The following CPLANE1 variants were observed in gnomAD, a reference collection of about 807,000 sequenced individuals.
The protein encoded by CPLANE1 is ciliogenesis and planar polarity effector complex subunit 1.
CPLANE1 carries 263 observed loss-of-function variants against 362.5 expected under a neutral mutation model. The ratio of observed to expected loss-of-function variants is 0.73; its 90% CI spans 0.66 to 0.80. The LOEUF (loss-of-function observed/expected upper bound fraction) is 0.80, where lower values mean the gene tolerates loss of function less well. Among genes scored for constraint, CPLANE1 ranks in the 30% least tolerant of loss-of-function variants. The pLI, the probability that CPLANE1 is intolerant of heterozygous loss-of-function variation, is 0.00. For missense variants in CPLANE1, 3,461 were observed against 3,793.4 expected (o/e 0.91, Z 2.30); for synonymous variants, 1,212 against 1,302.6 (o/e 0.93, Z 1.50).
At chr5:37,214,596 T>C (rs1018532171) in intron 15 of CPLANE1, among the ~76,000 whole-genome samples, 2 of 152,266 alleles carry the variant, frequency 1.3e-5, no homozygotes, top group African/African-American at 2.4e-5. Context: ...ATAAAATTCA[T>C]TGTAGTTCCT....
intron 28 of CPLANE1, among the ~76,000 whole-genome samples, chr5:37,179,785 G>C (rs1436086188): frequency 1.3e-5 from 2 of 152,000 alleles, no homozygotes; most frequent in Admixed American, 6.6e-5. Flanking sequence ...GCCCAATAAT[G>C]GTAAAAGAGC....
In CPLANE1 at chr5:37,157,348, G is replaced by A; in HGVS notation, c.8084C>T (p.Thr2695Ile). ...CTGTATGTCTGATGGTGTAGGTGAG[G>A]TGACACTAGGCTCCTTCACTTCTGT... is the stretch of plus-strand genomic sequence containing the variant. ...GITEVKEPSV[T>I]SPTPSDIQQN... Residue 2695 changes from threonine (T) to isoleucine (I), a missense_variant, in exon 41 of 53, where the codon ACC becomes ATC. Thr to Ile is a moderately conservative substitution (Grantham distance 89). This residue lies in a region of CPLANE1 where 3,380 missense variants were observed against 3,666.1 expected (regional missense o/e 0.92). Coordinates refer to ENST00000651892, the MANE Select transcript of CPLANE1 (RefSeq NM_001384732.1). The A allele has an allele frequency of 7.2e-7, 1 of 1,385,756 alleles. No homozygotes were observed. Among genetic ancestry groups the A allele is most frequent in the Non-Finnish European group, 9.6e-7 (1 of 1,044,328 alleles). 85.8% of individuals were successfully genotyped at this position (1,385,756 alleles called of 1,614,324 possible). A position where few individuals can be genotyped will look rare whatever the true frequency, so the allele number is the denominator to read the frequency against.
chr5:37,111,819 A>G (rs1759428503), intron 51 of CPLANE1, among the ~76,000 whole-genome samples: 2 of 152,240 alleles, frequency 1.3e-5, no homozygotes, highest in South Asian at 4.1e-4. Flanking sequence ...ATAAGGAACA[A>G]ATTTTGAAAA....
Position 37,162,543 on chromosome 5 carries a change from A to C in CPLANE1, c.7612T>G (p.Ser2538Ala), listed in dbSNP as rs769743728. The C allele has an allele frequency of 3.7e-6, 6 of 1,610,792 alleles. No individual in the cohort carries two copies. The highest frequency in any genetic ancestry group is 5.1e-6 in the Non-Finnish European group (6 of 1,177,466). Reference protein sequence around the residue: ...PFEMLQDDNTSAGLHFMASVK... With the variant: ...PFEMLQDDNTAAGLHFMASVK... ...GAGGCCATGAAATGCAATCCAGCTG[A>C]AGTATTATCATCTTGTAGCATTTCT... The change falls in exon 38 of 53, where the codon TCA becomes GCA. Residue 2538 changes from serine to alanine, a missense_variant. This residue lies in a region of CPLANE1 where 3,380 missense variants were observed against 3,666.1 expected (regional missense o/e 0.92). Transcript: ENST00000651892.
At chr5:37,123,298 A>G (rs891834621) in intron 47 of CPLANE1, among the ~76,000 whole-genome samples, 2 of 152,216 alleles carry the variant, frequency 1.3e-5, no homozygotes, top group African/African-American at 2.4e-5. Context: ...ACACACAATT[A>G]TGTATATAAA....
At position 37,226,793 on chromosome 5, in the gene CPLANE1, C is replaced by G. The variant is rs1402632313; in HGVS notation, c.1802G>C (p.Cys601Ser). ...KNLMLNYIVV[C>S]ITHFFYILQF... ...AAGAATGTAAAAAAAATGAGTGATA[C>G]AAACTACTATGTAATTTAACATTAA... Residue 601 changes from cysteine to serine, a missense_variant, in exon 12 of 53, where the codon TGT becomes TCT. Physicochemically the swap from Cys to Ser is moderately radical, Grantham distance 112. Coordinates refer to ENST00000651892, the MANE Select transcript of CPLANE1 (RefSeq NM_001384732.1). 1.9e-6 allele frequency: 3 copies of G among 1,547,524 alleles called. No homozygotes were observed. The highest frequency in any genetic ancestry group is 2.0e-5 in the Admixed American group (1 of 50,278).
At chr5:37,174,116 G>A (rs1353174508) in intron 31 of CPLANE1, among the ~76,000 whole-genome samples, 169 bp from the exon 32 acceptor site, 2 of 152,066 alleles carry the variant, frequency 1.3e-5, no homozygotes, top group Non-Finnish European at 2.9e-5. Flanking sequence ...GTGCCCGTCA[G>A]CCCCCCAGAC....
the CPLANE1 span, among the ~76,000 whole-genome samples, chr5:37,096,861 C>A: frequency 1.3e-5 from 2 of 152,048 alleles, no homozygotes; most frequent in African/African-American, 4.8e-5. Flanking sequence ...GCGATACCAC[C>A]TTACTCCTGC....
In CPLANE1 at chr5:37,227,308, C is replaced by T. The variant is rs374411782; in HGVS notation, c.1456G>A (p.Asp486Asn). ...LEHQGNESSA[D>N]FTVPKFLQAE... ...TGCAAGAATTTGGGGACAGTGAAATCGGCTGAACTTTCATTTCCTTGGTGT... is the reference window on the plus strand; with the variant it reads ...TGCAAGAATTTGGGGACAGTGAAATTGGCTGAACTTTCATTTCCTTGGTGT... Residue 486 changes from aspartate (D) to asparagine (N), a missense_variant, in exon 11 of 53, where the codon GAT (aspartate) becomes AAT (asparagine). Transcript: ENST00000651892. 5.2e-5 allele frequency: 81 copies of T among 1,552,100 alleles called. No individual in the cohort carries two copies. In the African/African-American group the frequency reaches 8.2e-4, roughly 16 times the overall value.
chr5:37,125,524 T>A, intron 46 of CPLANE1, 115 bp from the exon 47 acceptor site: 2 of 933,956 alleles, frequency 2.1e-6, no homozygotes, highest in Non-Finnish European at 3.2e-6. Context: ...TCAAAAGTAG[T>A]ATATACTTAT....
At chr5:37,207,537 A>G (rs72736759) in intron 16 of CPLANE1, among the ~76,000 whole-genome samples, 3,143 of 152,342 alleles carry the variant, frequency 0.021, 47 homozygotes, top group Non-Finnish European at 0.032. Context: ...TTAAAATATC[A>G]CACCAAATAA....
chr5:37,221,014 T>C (rs1316699969), intron 15 of CPLANE1, among the ~76,000 whole-genome samples: 2 of 152,210 alleles, frequency 1.3e-5, no homozygotes, highest in African/African-American at 4.8e-5. Flanking sequence ...CTGGGGATTC[T>C]AAGATTTAAA....
intron 28 of CPLANE1, 91 bp downstream of exon 28, chr5:37,179,926 G>T: frequency 1.3e-6 from 1 of 743,778 alleles, no homozygotes; most frequent in Non-Finnish European, 2.1e-6. Context: ...TACTAACTTA[G>T]GTATAAGACT....
chr5:37,191,927 T>C (rs1384261695), intron 21 of CPLANE1, among the ~76,000 whole-genome samples: 3 of 152,194 alleles, frequency 2.0e-5, no homozygotes, highest in African/African-American at 7.2e-5. Context: ...TTAATAAATT[T>C]AGTATAGCCT....
chr5:37,225,896 C>G lies in CPLANE1; in HGVS notation c.2291+408G>C, dbSNP rs551649383. The stretch of plus-strand genomic sequence containing the variant: ...AAAAAGAGGTCATTTTTTAACAGTA[C>G]TTAACTAAACCAAAATCTTTCAAGA... On this transcript the variant is annotated intron_variant, in intron 12 of 52. Transcript: ENST00000651892. 7.2e-5 allele frequency among the ~76,000 whole-genome samples: 10 copies of G among 139,530 alleles called. No individual in the cohort carries two copies. In the South Asian group the frequency reaches 2.4e-3, roughly 34 times the overall value. The allele number at this position is 139,530 out of a possible 152,430, so 91.5% of individuals were successfully genotyped here. A position where few individuals can be genotyped will look rare whatever the true frequency, so the allele number is the denominator to read the frequency against.
At chr5:37,152,690 A>G (rs1188852090) in intron 42 of CPLANE1, among the ~76,000 whole-genome samples, 3 of 152,150 alleles carry the variant, frequency 2.0e-5, no homozygotes, top group African/African-American at 2.4e-5. Flanking sequence ...ATTCAAGGCT[A>G]GTTCAAGCAA....
the CPLANE1 span, among the ~76,000 whole-genome samples, chr5:37,088,992 A>T: frequency 1.3e-5 from 2 of 152,090 alleles, no homozygotes; most frequent in Non-Finnish European, 2.9e-5. Context: ...ATTTTATCAT[A>T]CTGGGTCCCC....
intron 46 of CPLANE1, chr5:37,130,835 C>T (rs987848621): frequency 4.6e-5 from 7 of 152,860 alleles, no homozygotes; most frequent in South Asian, 2.1e-4. Context: ...ATTTTAAAAA[C>T]GAACTGCATA....
At chr5:37,141,023 A>C in intron 44 of CPLANE1, 1 of 985,376 alleles carries the variant, frequency 1.0e-6, no homozygotes, top group South Asian at 4.7e-5. Context: ...AACACTAAAC[A>C]ACCACGTTCC....
Sources: gnomAD v4.1 joint callset for allele counts (sites outside exome capture counted in the v4.1 genomes callset) on GRCh38, gnomAD v4.1.1 for gene constraint, gnomAD v4.1.1 regional missense constraint, MANE v1.5 for transcripts, NCBI Gene and HGNC (gene_info 2026-07-23, HGNC 2026-07-21) for gene names.